Variants in ENDOV observed in about 807,000 individuals in gnomAD.
ENDOV encodes endonuclease V, also known as hEndoV.
Under a neutral mutation model 39.4 loss-of-function variants are expected in ENDOV, and 37 were observed. The observed-to-expected ratio is 0.94, with a 90% confidence interval of 0.72 to 1.23. The LOEUF is 1.23. Ranked by LOEUF, ENDOV falls within the 50% of genes most tolerant of loss-of-function variation. The pLI is 0.00. For missense variants in ENDOV, 441 were observed against 375.7 expected (o/e 1.17, Z -1.44); for synonymous variants, 186 against 163.4 (o/e 1.14, Z -1.05).
At chr17:80,415,334 C>T (rs776759357) in intron 1 of ENDOV, 84 bp downstream of exon 1, 23 of 1,508,916 alleles carry the variant, frequency 1.5e-5, no homozygotes, top group East Asian at 1.2e-4. Flanking sequence ...AGTCTTCAGG[C>T]TGTGGAATCG....
chr17:80,432,098 A>C (rs2083365146), intron 9 of ENDOV, among the ~76,000 whole-genome samples: 1 of 152,084 alleles, frequency 6.6e-6, no homozygotes. Flanking sequence ...CCCTTGGGAG[A>C]GTCCAGGGCA....
chr17:80,416,028 G>A (rs1014527998), intron 2 of ENDOV: 48 of 530,832 alleles, frequency 9.0e-5, no homozygotes, highest in Non-Finnish European at 1.3e-4. Flanking sequence ...ACCTGAGGTC[G>A]GGAGTTCGAG....
At chr17:80,418,607 A>G (rs2144834864) in intron 2 of ENDOV, 1 of 152,366 alleles carries the variant, frequency 6.6e-6, no homozygotes, top group African/African-American at 2.4e-5. Context: ...GTGGACCTGC[A>G]GGAGCAGAAT....
chr17:80,432,690 T>G (rs1224413322), intron 9 of ENDOV, among the ~76,000 whole-genome samples: 1 of 152,056 alleles, frequency 6.6e-6, no homozygotes, highest in Non-Finnish European at 1.5e-5. Context: ...ACAGGGCTCC[T>G]CAGGCAGGGA....
intron 9 of ENDOV, chr17:80,430,273 G>C (rs2083246839): frequency 6.7e-7 from 1 of 1,485,708 alleles, no homozygotes; most frequent in African/African-American, 1.4e-5. Flanking sequence ...CGGAGCTGCA[G>C]CCTGCACGAC....
intron 2 of ENDOV, chr17:80,419,525 G>C (rs1015669249): frequency 2.9e-6 from 2 of 696,298 alleles, no homozygotes; most frequent in Non-Finnish European, 5.3e-6. Flanking sequence ...CTGAGCAATG[G>C]CTAGTGTGTT....
intron 7 of ENDOV, 129 bp from the exon 8 acceptor site, chr17:80,428,467 G>A: frequency 1.1e-6 from 1 of 875,228 alleles, no homozygotes; most frequent in Non-Finnish European, 1.8e-6. Context: ...TGAGCCTGAA[G>A]AACTGGCTGT....
At chr17:80,423,479 A>AACC in intron 4 of ENDOV, 41 bp from the exon 5 acceptor site, 3 of 782,886 alleles carry the variant, frequency 3.8e-6, no homozygotes, top group Non-Finnish European at 4.1e-6. Context: ...GCCAGGCCCC[A>AACC]GCCCCACCTC....
intron 2 of ENDOV, chr17:80,419,841 G>A (rs529971610): frequency 4.8e-5 from 29 of 604,494 alleles, no homozygotes; most frequent in African/African-American, 4.7e-4. Flanking sequence ...TGTCACCCAC[G>A]CCATTTCAGT....
At position 80,427,769 on chromosome 17, in the gene ENDOV, C is replaced by G. The variant is rs1406276080; in HGVS notation, c.715-827C>G. The G allele has an allele frequency of 4.7e-6, 6 of 1,289,334 alleles. No individual in the cohort carries two copies. The Admixed American group carries it at 1.4e-4, about 30-fold the overall frequency. The allele number at this position is 1,289,334 out of a possible 1,614,324, so 79.9% of individuals were successfully genotyped here. ...TCCGCGCCGGGCCGTCTTGGTGGCCCCATGGTCACAGGCGCTGCGGCGCTC... is the reference window on the plus strand; with the variant it reads ...TCCGCGCCGGGCCGTCTTGGTGGCCGCATGGTCACAGGCGCTGCGGCGCTC... On this transcript the variant is annotated intron_variant, in intron 7 of 9. Transcript: ENST00000518137.
At chr17:80,434,899 T>C (rs189774112) in intron 9 of ENDOV, among the ~76,000 whole-genome samples, 5 of 152,200 alleles carry the variant, frequency 3.3e-5, no homozygotes, top group East Asian at 1.9e-4. Flanking sequence ...TGAACCGTGA[T>C]TGTGCCACTG....
chr17:80,425,769 T>G (rs2082622413), intron 7 of ENDOV, 149 bp downstream of exon 7: 30 of 1,287,626 alleles, frequency 2.3e-5, no homozygotes, highest in Non-Finnish European at 3.2e-5. Context: ...ACAGACATCT[T>G]GCTGGAGAGC....
Position 80,422,060 on chromosome 17 carries a change from A to G in ENDOV, c.363+98A>G, listed in dbSNP as rs970139832. 9 of 1,559,282 alleles carry G rather than the reference A, an allele frequency of 5.8e-6. No individual in the cohort carries two copies. The African/African-American group carries it at 9.5e-5, about 16-fold the overall frequency. ...GCCACCACCACAGTGGCAGGGAGAGACTCATGAGCTTCCTGGAAGAGAGGA... is the reference window on the plus strand; with the variant it reads ...GCCACCACCACAGTGGCAGGGAGAGGCTCATGAGCTTCCTGGAAGAGAGGA... On this transcript the variant is annotated intron_variant, in intron 3 of 9. Coordinates refer to ENST00000518137, the MANE Select transcript of ENDOV (RefSeq NM_173627.5).
At position 80,423,530 on chromosome 17, in the gene ENDOV, G is replaced by A. The variant is rs1327178571; in HGVS notation, c.414G>A (p.Val138=). The A allele has an allele frequency of 1.9e-6, 3 of 1,548,190 alleles. No homozygotes were observed. Among genetic ancestry groups the A allele is most frequent in the Non-Finnish European group, 2.6e-6 (3 of 1,145,180 alleles). ...CTTTCTCTCTGGCAGGCTTTGGGGT[G>A]GCCTGCCACCTTGGCGTCCTTACAG... is the stretch of plus-strand genomic sequence containing the variant. ...NGVLHHRGFG[V]ACHLGVLTDL... is the part of the protein sequence containing the mutation. The change falls in exon 5 of 10, where the codon GTG becomes GTA. Residue 138 remains valine (V), a synonymous_variant. Coordinates refer to ENST00000518137, the MANE Select transcript of ENDOV (RefSeq NM_173627.5).
intron 4 of ENDOV, among the ~76,000 whole-genome samples, chr17:80,423,038 G>A (rs1278302247): frequency 6.6e-6 from 1 of 152,214 alleles, no homozygotes. Flanking sequence ...ACAGAGCTGC[G>A]GGCGGCGCAG....
rs1029602012 is a variant in ENDOV, at chr17:80,415,658, C to T, written c.65C>T (p.Ala22Val). Reference protein sequence around the residue: ...ETLSLWKREQARLKAHVVDRD... With the variant: ...ETLSLWKREQVRLKAHVVDRD... ...CGCTTCTGTCCTCCTAGGGAGCAAG[C>T]TCGGCTGAAGGCCCACGTCGTAGAC... Residue 22 changes from alanine (A) to valine (V), a missense_variant, in exon 2 of 10, where the codon GCT becomes GTT. By Grantham distance (64) the Ala-to-Val change is moderately conservative (BLOSUM62 0). Coordinates refer to ENST00000518137, the MANE Select transcript of ENDOV (RefSeq NM_173627.5). The T allele has an allele frequency of 6.2e-7, 1 of 1,612,352 alleles. No homozygotes were observed. Among genetic ancestry groups the T allele is most frequent in the Non-Finnish European group, 8.5e-7 (1 of 1,179,248 alleles).
chr17:80,435,548 G>C (rs1387943439), intron 9 of ENDOV, among the ~76,000 whole-genome samples: 4 of 152,106 alleles, frequency 2.6e-5, no homozygotes, highest in African/African-American at 9.7e-5. Flanking sequence ...TCGACCTCTT[G>C]GGCTCAAGCA....
chr17:80,433,804 G>A (rs2083460255), intron 9 of ENDOV, among the ~76,000 whole-genome samples: 1 of 152,192 alleles, frequency 6.6e-6, no homozygotes, highest in Non-Finnish European at 1.5e-5. Flanking sequence ...CCAGCTGAGG[G>A]CCTGGCCAGG....
chr17:80,415,559 C>G (rs1599264506), intron 1 of ENDOV, 91 bp from the exon 2 acceptor site: 9 of 1,456,614 alleles, frequency 6.2e-6, no homozygotes, highest in Non-Finnish European at 8.4e-6. Context: ...GAAGACCCGG[C>G]AGAGGCGCTC....
Sources: allele counts gnomAD v4.1 joint callset (sites outside exome capture counted in the v4.1 genomes callset), GRCh38; gene constraint gnomAD v4.1.1; transcripts MANE v1.5; gene names NCBI Gene and HGNC (gene_info 2026-07-23, HGNC 2026-07-21).